The following TMEM72 variants were observed in gnomAD, a reference collection of about 807,000 sequenced individuals.
TMEM72 encodes the protein transmembrane protein 72.
A neutral mutation model predicts 16.3 loss-of-function variants in TMEM72; 9 were observed. That is an observed-to-expected ratio of 0.55 (90% CI 0.33 to 0.96). The LOEUF (loss-of-function observed/expected upper bound fraction) is 0.96. Ranked by LOEUF, TMEM72 falls within the 40% of genes least tolerant of loss-of-function variation. TMEM72 has a pLI of 0.03. For synonymous variants in TMEM72, 160 were observed against 146.5 expected (o/e 1.09, Z -0.66); for missense variants, 324 against 337.8 (o/e 0.96, Z 0.32).
rs1450146540 is a variant in TMEM72 at position 44,917,907 on chromosome 10, G to GTATACAGGCCCAGGCCT, written c.70+6329_70+6330insCAGGCCCAGGCCTTATA. 3.3e-5 allele frequency among the ~76,000 whole-genome samples: 5 copies of GTATACAGGCCCAGGCCT among 152,300 alleles called. No homozygotes were observed. In the South Asian group the frequency reaches 1.0e-3, roughly 32 times the overall value. ...TAAAAGAAATTTCTCCTGTGGGCCT[G>GTATACAGGCCCAGGCCT]TATAAGTTTGTTTTCACACTGCTGA... On this transcript the variant is annotated intron_variant, in intron 1 of 4. Coordinates refer to ENST00000389583, the MANE Select transcript of TMEM72 (RefSeq NM_001123376.3).
chr10:44,933,811 C>G (rs1564439446), intron 4 of TMEM72, 35 bp downstream of exon 4: 1 of 1,579,330 alleles, frequency 6.3e-7, no homozygotes, highest in Admixed American at 1.7e-5. Context: ...GCAGCCCCAG[C>G]ACAGGTGGAC....
At chr10:44,925,031 C>T (rs1203945242) in intron 1 of TMEM72, among the ~76,000 whole-genome samples, 1 of 152,218 alleles carries the variant, frequency 6.6e-6, no homozygotes, top group African/African-American at 2.4e-5. Context: ...GACTCCAATC[C>T]AAGCAATTTT....
At chr10:44,929,496 G>C (rs955220800) in intron 2 of TMEM72, among the ~76,000 whole-genome samples, 1 of 152,178 alleles carries the variant, frequency 6.6e-6, no homozygotes, top group Non-Finnish European at 1.5e-5. Context: ...CTACCTTCAG[G>C]TGGCAGCTGA....
At chr10:44,914,631 ACT>A (rs1019138782) in intron 1 of TMEM72, among the ~76,000 whole-genome samples, 2 of 152,194 alleles carry the variant, frequency 1.3e-5, no homozygotes, top group African/African-American at 4.8e-5. Flanking sequence ...CCCCGTGTCC[ACT>A]AGAGACAGGG....
intron 2 of TMEM72, among the ~76,000 whole-genome samples, chr10:44,928,823 TATCC>T (rs1005093867): frequency 6.6e-6 from 1 of 150,512 alleles, no homozygotes; most frequent in South Asian, 2.1e-4. Flanking sequence ...TCCACCCACC[TATCC>T]ATCCATCCAT....
At position 44,926,033 on chromosome 10, in the gene TMEM72, ACACACT is replaced by A. The variant is rs560363886; in HGVS notation, c.71-1882_71-1877del. Among the ~76,000 whole-genome samples the A allele has an allele frequency of 5.2e-3, 781 of 151,598 alleles. 5 individuals are homozygous for A. The highest frequency in any genetic ancestry group is 0.017 in the African/African-American group (715 of 41,036). On this transcript the variant is annotated intron_variant, in intron 1 of 4. Coordinates refer to ENST00000389583, the MANE Select transcript of TMEM72 (RefSeq NM_001123376.3). ...CATTCACACACATACACTCACACAC[ACACACT>A]CACACACATCCACATATATAATCAC...
chr10:44,923,582 C>T (rs914293180), intron 1 of TMEM72, among the ~76,000 whole-genome samples: 21 of 152,162 alleles, frequency 1.4e-4, no homozygotes, highest in Non-Finnish European at 2.6e-4. Context: ...TGGCAGTTCC[C>T]ACTTGGGAGA....
intron 1 of TMEM72, among the ~76,000 whole-genome samples, chr10:44,925,307 A>G (rs1840167934): frequency 1.3e-5 from 2 of 152,190 alleles, no homozygotes; most frequent in South Asian, 2.1e-4. Context: ...AGCTCTCCAC[A>G]TGCCAAACAG....
At chr10:44,928,508 A>G (rs1458085418) in intron 2 of TMEM72, among the ~76,000 whole-genome samples, 2 of 151,620 alleles carry the variant, frequency 1.3e-5, no homozygotes, top group Admixed American at 1.3e-4. Flanking sequence ...ATATGCATAC[A>G]TACATACACA....
At chr10:44,920,419 G>A (rs1840077608) in intron 1 of TMEM72, among the ~76,000 whole-genome samples, 2 of 152,230 alleles carry the variant, frequency 1.3e-5, no homozygotes, top group Admixed American at 6.5e-5. Flanking sequence ...GATGGCCCCA[G>A]CCTCAGGAAC....
At chr10:44,927,784 G>A (rs1485500058) in intron 1 of TMEM72, 137 bp from the exon 2 acceptor site, 4 of 777,272 alleles carry the variant, frequency 5.1e-6, no homozygotes, top group African/African-American at 2.3e-5. Context: ...ACAGCTGCCT[G>A]TATCATGAAG....
intron 1 of TMEM72, among the ~76,000 whole-genome samples, chr10:44,914,233 G>A (rs897473249): frequency 1.3e-5 from 2 of 152,224 alleles, no homozygotes; most frequent in Non-Finnish European, 2.9e-5. Flanking sequence ...GTAGAGCACA[G>A]ACGGATCATT....
chr10:44,913,916 G>C (rs1054349265), intron 1 of TMEM72, among the ~76,000 whole-genome samples: 2 of 152,212 alleles, frequency 1.3e-5, no homozygotes, highest in African/African-American at 4.8e-5. Flanking sequence ...GAGGTGGGGA[G>C]TGTGGATTTC....
chr10:44,923,529 T>C (rs1199031320), intron 1 of TMEM72, among the ~76,000 whole-genome samples: 1 of 152,216 alleles, frequency 6.6e-6, no homozygotes, highest in Non-Finnish European at 1.5e-5. Context: ...TCCTGAGAGA[T>C]GGCAGCCAGC....
chr10:44,922,260 C>T (rs968136829), intron 1 of TMEM72, among the ~76,000 whole-genome samples: 1 of 152,228 alleles, frequency 6.6e-6, no homozygotes, highest in Non-Finnish European at 1.5e-5. Context: ...CCTGTGCAGT[C>T]TCCGGGAACA....
chr10:44,912,220 T>G (rs1839947516), intron 1 of TMEM72, among the ~76,000 whole-genome samples: 1 of 152,156 alleles, frequency 6.6e-6, no homozygotes, highest in South Asian at 2.1e-4. Context: ...GCTGGGCTCC[T>G]TCCTTCACCC....
chr10:44,916,938 G>A (rs755006305), intron 1 of TMEM72, among the ~76,000 whole-genome samples: 5 of 152,030 alleles, frequency 3.3e-5, no homozygotes, highest in Non-Finnish European at 7.4e-5. Flanking sequence ...ACTCCTAATC[G>A]CTATTTCCTC....
chr10:44,916,931 C>T (rs1840021418), intron 1 of TMEM72, among the ~76,000 whole-genome samples: 1 of 152,178 alleles, frequency 6.6e-6, no homozygotes, highest in Admixed American at 6.5e-5. Flanking sequence ...AGACTCCACT[C>T]CTAATCGCTA....
At position 44,933,673 on chromosome 10, in the gene TMEM72, G is replaced by T; in HGVS notation, c.246G>T (p.Glu82Asp). The T allele has an allele frequency of 6.2e-7, 1 of 1,614,092 alleles. No homozygotes were observed. The highest frequency in any genetic ancestry group is 8.5e-7 in the Non-Finnish European group (1 of 1,179,988). The change falls in exon 4 of 5, where the codon GAG becomes GAT. Residue 82 changes from glutamate (E) to aspartate (D), a missense_variant. Transcript: ENST00000389583. ...GGTCCCTGGCAGACAGAGTAAGGGA[G>T]AAAGCCCACTGGCTGGGCTGCTTCC... ...QPGSLADRVR[E>D]KAHWLGCFQK...
Sources: gnomAD v4.1 joint callset for allele counts (sites outside exome capture counted in the v4.1 genomes callset) on GRCh38, gnomAD v4.1.1 for gene constraint, MANE v1.5 for transcripts, NCBI Gene and HGNC (gene_info 2026-07-23, HGNC 2026-07-21) for gene names.